The following PECR variants were observed in gnomAD, a reference collection of about 807,000 sequenced individuals.
PECR encodes the protein 2,4-dienoyl-CoA reductase-related protein.
Under a neutral mutation model 35.3 loss-of-function variants are expected in PECR, and 30 were observed. The ratio of observed to expected loss-of-function variants is 0.85; its 90% CI spans 0.64 to 1.15. The LOEUF is 1.15. Among genes scored for constraint, PECR ranks in the 50% most tolerant of loss-of-function variants. The pLI is 0.00. For missense variants in PECR, 392 were observed against 370.8 expected (o/e 1.06, Z -0.47); for synonymous variants, 148 against 138.9 (o/e 1.07, Z -0.46).
chr2:216,049,218 G>C lies in PECR; in HGVS notation c.714+45C>G, dbSNP rs774292193. 5 of 951,088 alleles carry C rather than the reference G, an allele frequency of 5.3e-6. No homozygotes were observed. In the African/African-American group the frequency reaches 8.0e-5, roughly 15 times the overall value. The allele number at this position is 951,088 out of a possible 1,614,324, so 58.9% of individuals were successfully genotyped here. A position where few individuals can be genotyped will look rare whatever the true frequency, so the allele number is the denominator to read the frequency against. On this transcript the variant is annotated intron_variant, in intron 6 of 7. Coordinates refer to ENST00000265322, the MANE Select transcript of PECR (RefSeq NM_018441.6). ...ATGACACTGAATTACAAATTCCAAA[G>C]TATAACACACAGCAATTCTAATCAA...
At chr2:216,071,154 C>T (rs1695580344) in intron 1 of PECR, among the ~76,000 whole-genome samples, 1 of 152,218 alleles carries the variant, frequency 6.6e-6, no homozygotes, top group Non-Finnish European at 1.5e-5. Context: ...TGTGGTCGCA[C>T]ACACCTTGAG....
chr2:216,058,883 A>G lies in PECR; in HGVS notation c.506+12T>C, dbSNP rs757304362. 2 of 1,498,236 alleles carry G rather than the reference A, an allele frequency of 1.3e-6. No individual in the cohort carries two copies. Among genetic ancestry groups the G allele is most frequent in the East Asian group, 2.3e-5 (1 of 44,240 alleles). 92.8% of individuals were successfully genotyped at this position (1,498,236 alleles called of 1,614,324 possible). ...CAAAGACTTAGAAAGAAAACTATATAAAAACGCTTACACAGCTAATGGAAA... is the reference window on the plus strand; with the variant it reads ...CAAAGACTTAGAAAGAAAACTATATGAAAACGCTTACACAGCTAATGGAAA... On this transcript the variant is annotated intron_variant, in intron 4 of 7. Coordinates refer to ENST00000265322, the MANE Select transcript of PECR (RefSeq NM_018441.6).
intron 1 of PECR, among the ~76,000 whole-genome samples, chr2:216,079,490 C>A (rs28376683): frequency 0.078 from 11,835 of 151,086 alleles, 611 homozygotes; most frequent in African/African-American, 0.14. Flanking sequence ...GCCTCAGCCT[C>A]CTGAGTAGCT....
At chr2:216,051,248 T>C (rs1250640448) in intron 5 of PECR, among the ~76,000 whole-genome samples, 2 of 130,894 alleles carry the variant, frequency 1.5e-5, no homozygotes, top group African/African-American at 6.0e-5. Flanking sequence ...ATCATGCCAC[T>C]GCACTCCGGC....
intron 3 of PECR, among the ~76,000 whole-genome samples, chr2:216,061,720 C>T (rs1695356221): frequency 6.6e-6 from 1 of 151,560 alleles, no homozygotes; most frequent in African/African-American, 2.4e-5. Flanking sequence ...ACTAAAGAGA[C>T]ATAAAAAAAT....
At chr2:216,055,202 C>T (rs916056984) in intron 4 of PECR, among the ~76,000 whole-genome samples, 2 of 151,650 alleles carry the variant, frequency 1.3e-5, no homozygotes, top group African/African-American at 2.4e-5. Flanking sequence ...CATTGAGAGG[C>T]CAAGGTGGGC....
At chr2:216,074,031 C>T (rs962447219) in intron 1 of PECR, among the ~76,000 whole-genome samples, 1 of 152,194 alleles carries the variant, frequency 6.6e-6, no homozygotes, top group Non-Finnish European at 1.5e-5. Context: ...GAAATAAGCA[C>T]CCCAGGACAA....
At chr2:216,052,778 C>T (rs1695142060) in intron 4 of PECR, among the ~76,000 whole-genome samples, 1 of 152,142 alleles carries the variant, frequency 6.6e-6, no homozygotes, top group Admixed American at 6.5e-5. Context: ...CCAGTGTCTT[C>T]AAATTTTTTT....
At chr2:216,053,878 A>G (rs971287487) in intron 4 of PECR, among the ~76,000 whole-genome samples, 1 of 152,138 alleles carries the variant, frequency 6.6e-6, no homozygotes, top group East Asian at 1.9e-4. Flanking sequence ...AAAAATATAT[A>G]TTTTTTTAAT....
chr2:216,081,588 CCT>C (rs1171002409), intron 1 of PECR, 28 bp downstream of exon 1: 2 of 1,613,686 alleles, frequency 1.2e-6, no homozygotes, highest in Admixed American at 1.7e-5. Flanking sequence ...ACCACAGCCA[CCT>C]CTCTGCACCA....
intron 1 of PECR, among the ~76,000 whole-genome samples, chr2:216,078,006 C>T (rs1489598744): frequency 1.3e-5 from 2 of 149,112 alleles, no homozygotes; most frequent in East Asian, 4.1e-4. Context: ...AAAGAAAACA[C>T]CTGTATTTTT....
chr2:216,074,224 C>G (rs1431015431), intron 1 of PECR, among the ~76,000 whole-genome samples: 1 of 152,104 alleles, frequency 6.6e-6, no homozygotes, highest in Non-Finnish European at 1.5e-5. Context: ...GCCGGTGGAT[C>G]GCTTGTATTC....
intron 7 of PECR, 30 bp from the exon 8 acceptor site, chr2:216,039,390 C>G: frequency 1.6e-6 from 2 of 1,270,068 alleles, no homozygotes; most frequent in Non-Finnish European, 2.3e-6. Context: ...CCTCCTGTCA[C>G]TTGCAAATCT....
downstream of PECR, among the ~76,000 whole-genome samples, chr2:216,035,778 C>T (rs1333004022): frequency 6.6e-6 from 1 of 152,154 alleles, no homozygotes; most frequent in Non-Finnish European, 1.5e-5. Context: ...TGAGTCACTG[C>T]GCCCAGCCAA....
chr2:216,040,145 A>C (rs938423811), intron 7 of PECR, among the ~76,000 whole-genome samples: 12 of 152,174 alleles, frequency 7.9e-5, no homozygotes, highest in African/African-American at 1.9e-4. Flanking sequence ...TGATGAGATC[A>C]GTGAGCTACT....
At chr2:216,077,783 G>C (rs1423411992) in intron 1 of PECR, among the ~76,000 whole-genome samples, 1 of 148,716 alleles carries the variant, frequency 6.7e-6, no homozygotes, top group Non-Finnish European at 1.5e-5. Context: ...CTCCAGCCTG[G>C]GCTACAGAGC....
chr2:216,071,297 GC>G (rs1178970002), intron 1 of PECR, among the ~76,000 whole-genome samples: 1 of 152,220 alleles, frequency 6.6e-6, no homozygotes, highest in African/African-American at 2.4e-5. Flanking sequence ...CAAAGCATCT[GC>G]TCCACAAGCT....
rs142927050 is a variant in PECR at position 216,063,732 on chromosome 2, T to G, written c.424+1580A>C. On this transcript the variant is annotated intron_variant, in intron 3 of 7. Transcript: ENST00000265322. ...GTTTTACTTTTTTTTTATTTATTTA[T>G]TTGAAACAGAGTCTCACTCTTGTCA... is the stretch of plus-strand genomic sequence containing the variant. 3.7e-3 allele frequency among the ~76,000 whole-genome samples: 568 copies of G among 152,230 alleles called. 3 individuals are homozygous for G. Among genetic ancestry groups the G allele is most frequent in the African/African-American group, 0.013 (549 of 41,552 alleles).
At chr2:216,043,096 T>TATATATATATACATACATATATAC (rs1491341667) in intron 7 of PECR, among the ~76,000 whole-genome samples, 1 of 136,018 alleles carries the variant, frequency 7.4e-6, no homozygotes, top group Admixed American at 7.4e-5. Flanking sequence ...TACATATATA[T>TATATATATATACATACATATATAC]GTATGCGTAT....
Sources: allele counts gnomAD v4.1 joint callset (sites outside exome capture counted in the v4.1 genomes callset), GRCh38; gene constraint gnomAD v4.1.1; transcripts MANE v1.5; gene names NCBI Gene and HGNC (gene_info 2026-07-23, HGNC 2026-07-21).